Variants in ANK3 observed in about 807,000 individuals in gnomAD.
ANK3 encodes the protein ankyrin-3.
Under a neutral mutation model 370.9 loss-of-function variants are expected in ANK3, and 57 were observed. The ratio of observed to expected loss-of-function variants is 0.15; its 90% CI spans 0.12 to 0.19. The LOEUF (loss-of-function observed/expected upper bound fraction) is 0.19, where lower values mean the gene tolerates loss of function less well. Ranked by LOEUF, ANK3 falls within the 10% of genes least tolerant of loss-of-function variation. The pLI is 1.00. For missense variants in ANK3, 4,439 were observed against 5,302.1 expected (o/e 0.84, Z 5.06); for synonymous variants, 1,929 against 1,946.3 (o/e 0.99, Z 0.23).
chr10:60,465,519 AAAAG>A (rs1484592535), intron 2 of ANK3, among the ~76,000 whole-genome samples: 7 of 152,212 alleles, frequency 4.6e-5, no homozygotes, highest in Non-Finnish European at 1.0e-4. Context: ...TGTACAATTC[AAAAG>A]AAAGGAGAGA....
At chr10:60,128,229 G>A (rs1307475918) in intron 25 of ANK3, among the ~76,000 whole-genome samples, 1 of 151,990 alleles carries the variant, frequency 6.6e-6, no homozygotes, top group African/African-American at 2.4e-5. Flanking sequence ...ACTCCTCAAG[G>A]GCCTTTTTCT....
intron 1 of ANK3, among the ~76,000 whole-genome samples, chr10:60,386,527 G>C (rs1287713868): frequency 6.7e-6 from 1 of 148,216 alleles, no homozygotes; most frequent in Non-Finnish European, 1.5e-5. Flanking sequence ...ATTCCTAGAA[G>C]TTCTGTACTG....
intron 2 of ANK3, among the ~76,000 whole-genome samples, chr10:60,606,223 G>T (rs2133311323): frequency 6.6e-6 from 1 of 152,080 alleles, no homozygotes; most frequent in East Asian, 1.9e-4. Flanking sequence ...TTTCGATGCT[G>T]AATTAGAAAA....
At chr10:60,349,460 C>T (rs1265327041) in intron 1 of ANK3, among the ~76,000 whole-genome samples, 2 of 152,100 alleles carry the variant, frequency 1.3e-5, no homozygotes, top group African/African-American at 2.4e-5. Flanking sequence ...AGGAAGATAA[C>T]TGCTTAGTAA....
intron 7 of ANK3, among the ~76,000 whole-genome samples, chr10:60,245,144 G>A (rs1054344834): frequency 6.6e-6 from 1 of 152,060 alleles, no homozygotes; most frequent in African/African-American, 2.4e-5. Flanking sequence ...ACTCCAGCCT[G>A]GGCGACAGAG....
intron 25 of ANK3, among the ~76,000 whole-genome samples, chr10:60,122,931 A>T (rs1023090469): frequency 6.6e-6 from 1 of 152,188 alleles, no homozygotes; most frequent in Non-Finnish European, 1.5e-5. Flanking sequence ...TATTGACTCA[A>T]AATATTTACA....
At chr10:60,609,701 CA>C (rs2078176849) in intron 2 of ANK3, among the ~76,000 whole-genome samples, 1 of 152,126 alleles carries the variant, frequency 6.6e-6, no homozygotes, top group Admixed American at 6.5e-5. Flanking sequence ...AATAAGCATT[CA>C]TGGATACCTT....
intron 28 of ANK3, among the ~76,000 whole-genome samples, chr10:60,099,124 T>A (rs1282228075): frequency 2.0e-5 from 3 of 152,174 alleles, no homozygotes; most frequent in Non-Finnish European, 4.4e-5. Context: ...AGAATGACCA[T>A]AACCTGCCCC....
At chr10:60,704,381 C>T (rs1476256277) in intron 1 of ANK3, among the ~76,000 whole-genome samples, 2 of 152,050 alleles carry the variant, frequency 1.3e-5, no homozygotes, top group African/African-American at 2.4e-5. Context: ...TTTAATCAAT[C>T]CAGATTGAAT....
chr10:60,469,054 T>TATAC lies in ANK3; in HGVS notation c.96+146131_96+146132insGTAT, dbSNP rs1201040809. On this transcript the variant is annotated intron_variant, in intron 2 of 43. Coordinates refer to the ANK3 transcript ENST00000373827. ...GTGTATATATATATATATATATATA[T>TATAC]ACCACTTTTAGTATATATATATATA... 7.4e-4 allele frequency among the ~76,000 whole-genome samples: 26 copies of TATAC among 34,924 alleles called. 2 individuals carry two copies. The highest frequency in any genetic ancestry group is 2.7e-3 in the South Asian group (2 of 734). The allele number at this position is 34,924 out of a possible 152,430, so 22.9% of individuals were successfully genotyped here. A position where few individuals can be genotyped will look rare whatever the true frequency, so the allele number is the denominator to read the frequency against.
At position 60,108,923 on chromosome 10, in the gene ANK3, C is replaced by G; in HGVS notation, c.3080G>C (p.Arg1027Thr). 1.9e-6 allele frequency: 3 copies of G among 1,614,072 alleles called. No homozygotes were observed. Among genetic ancestry groups the G allele is most frequent in the Non-Finnish European group, 2.5e-6 (3 of 1,179,974 alleles). Residue 1027 changes from arginine to threonine, a missense_variant, in exon 27 of 44, where the codon AGA (arginine) becomes ACA (threonine). Arg to Thr is a moderately conservative substitution (Grantham distance 71). This residue lies in a region of ANK3 where 702 missense variants were observed against 941.5 expected (regional missense o/e 0.75). Transcript: ENST00000280772. ...PTRITCRLVK[R>T]HKLANPPPMV... ...GGGGGGTGGGTTGGCCAGTTTATGT[C>G]TCTTTACCAAACGGCAGGTGATTCG...
intron 1 of ANK3, among the ~76,000 whole-genome samples, chr10:60,725,447 T>C (rs2079928176): frequency 6.6e-6 from 1 of 152,150 alleles, no homozygotes; most frequent in Admixed American, 6.5e-5. Context: ...AACTAGTCAA[T>C]TTGCTTAAGT....
At chr10:60,105,410 C>T (rs959468596) in intron 28 of ANK3, among the ~76,000 whole-genome samples, 2 of 152,044 alleles carry the variant, frequency 1.3e-5, no homozygotes, top group Non-Finnish European at 2.9e-5. Flanking sequence ...ACAACACAGA[C>T]CCCAATAATT....
intron 1 of ANK3, among the ~76,000 whole-genome samples, chr10:60,676,517 T>C (rs1193012851): frequency 6.6e-6 from 1 of 152,240 alleles, no homozygotes; most frequent in Non-Finnish European, 1.5e-5. Flanking sequence ...TTCATTTCTG[T>C]GTTTCTAAAG....
chr10:60,275,523 A>G (rs1430759755), intron 4 of ANK3, among the ~76,000 whole-genome samples: 10 of 152,166 alleles, frequency 6.6e-5, no homozygotes, highest in Admixed American at 6.6e-4. Context: ...GTATGGTGAA[A>G]GATTTGCATT....
chr10:60,084,435 TAAAA>T (rs1404137519), intron 32 of ANK3, 163 bp downstream of exon 32: 1 of 372,666 alleles, frequency 2.7e-6, no homozygotes, highest in African/African-American at 2.1e-5. Context: ...TAAATTAAAT[TAAAA>T]AAGATAAAAA....
chr10:60,071,817 T>C lies in ANK3; in HGVS notation c.9064A>G (p.Ile3022Val). 6.2e-7 allele frequency: 1 copy of C among 1,612,120 alleles called. No homozygotes were observed. Among genetic ancestry groups the C allele is most frequent in the Non-Finnish European group, 8.5e-7 (1 of 1,178,908 alleles). Residue 3022 changes from isoleucine to valine, a missense_variant, in exon 37 of 44, where the codon ATC becomes GTC. Physicochemically the swap from Ile to Val is conservative, Grantham distance 29. Around this residue, in one of 13 missense-constraint regions of ANK3, gnomAD observed 1,601 missense variants for 1,731.7 expected, o/e 0.92. Coordinates refer to ENST00000280772, the MANE Select transcript of ANK3 (RefSeq NM_020987.5). The part of the protein sequence containing the change: ...IEDEKVTYSE[I>V]SKVSKHQSYV... ...CTCTGGTGTTTGGAAACTTTGCTGA[T>C]TTCTGAATAGGTAACTTTTTCATCT...
At chr10:60,392,475 G>A (rs745619398), upstream of ANK3, among the ~76,000 whole-genome samples, 131 of 152,114 alleles carry the variant, frequency 8.6e-4, no homozygotes, top group Non-Finnish European at 1.4e-3. Context: ...TGCAAACATG[G>A]CCTTAGAGGA....
chr10:60,059,236 C>CTAGAATGGTAATT (rs781646716), intron 41 of ANK3, 104 bp downstream of exon 41: 82 of 977,116 alleles, frequency 8.4e-5, no homozygotes, highest in Non-Finnish European at 1.2e-4. Context: ...TATCCCAGAA[C>CTAGAATGGTAATT]TAGAATGGTA....
Sources: gnomAD v4.1 joint callset for allele counts (sites outside exome capture counted in the v4.1 genomes callset) on GRCh38, gnomAD v4.1.1 for gene constraint, gnomAD v4.1.1 regional missense constraint, MANE v1.5 for transcripts, NCBI Gene and HGNC (gene_info 2026-07-23, HGNC 2026-07-21) for gene names.